The following CPAMD8 variants were observed in gnomAD, a reference collection of about 807,000 sequenced individuals.
CPAMD8 encodes the protein C3 and PZP like alpha-2-macroglobulin domain containing 8, also known as C3 and PZP-like alpha-2-macroglobulin domain-containing protein 8.
CPAMD8 carries 146 observed loss-of-function variants against 224.7 expected under a neutral mutation model. That is an observed-to-expected ratio of 0.65 (90% CI 0.57 to 0.75). The LOEUF (loss-of-function observed/expected upper bound fraction) is 0.75, where lower values mean the gene tolerates loss of function less well. CPAMD8 is among the 30% of genes least tolerant of loss of function. CPAMD8 has a pLI of 0.00. For missense variants in CPAMD8, 2,301 were observed against 2,537.5 expected, an observed-to-expected ratio of 0.91 and a Z score of 2.00; for synonymous variants, 966 against 1,044.6, an observed-to-expected ratio of 0.92 and a Z score of 1.45.
rs59965779 is a variant in CPAMD8 at position 16,898,921 on chromosome 19, GT to G, written c.4848+553del. Among the ~76,000 whole-genome samples, 3 of 149,322 alleles carry G rather than the reference GT, an allele frequency of 2.0e-5. No homozygotes were observed. The highest frequency in any genetic ancestry group is 4.9e-5 in the African/African-American group (2 of 40,624). The stretch of plus-strand genomic sequence containing the variant: ...TTCTCCCAGTGTCTTATTTTTTTTT[GT>G]TTTTTTTTAGACAAGGTCTTGCAGG... On this transcript the variant is annotated intron_variant, in intron 37 of 41. Transcript: ENST00000443236. This position sits in a 1 kb window ranked among gnomAD's most constrained non-coding sequence, Gnocchi z 4.2.
intron 19 of CPAMD8, among the ~76,000 whole-genome samples, chr19:16,955,123 G>A (rs143235455): frequency 6.6e-6 from 1 of 151,746 alleles, no homozygotes; most frequent in African/African-American, 2.4e-5. Flanking sequence ...GCAAGATGCT[G>A]TCTCACACAC....
At chr19:17,005,717 C>G (rs749784587) in intron 7 of CPAMD8, among the ~76,000 whole-genome samples, 2 of 152,078 alleles carry the variant, frequency 1.3e-5, no homozygotes, top group Admixed American at 6.6e-5. Context: ...ACGACAGAAC[C>G]GAAAACCCAT....
At chr19:16,971,525 C>T (rs544867309) in intron 17 of CPAMD8, among the ~76,000 whole-genome samples, 7 of 152,096 alleles carry the variant, frequency 4.6e-5, no homozygotes, top group Admixed American at 1.3e-4. Flanking sequence ...TGAGATGAAA[C>T]GCCCAGAACA....
chr19:16,943,739 C>T (rs2053981384), intron 22 of CPAMD8, among the ~76,000 whole-genome samples: 1 of 152,172 alleles, frequency 6.6e-6, no homozygotes, highest in African/African-American at 2.4e-5. Context: ...GCCTGTGTGA[C>T]AACAGCACGT....
intron 18 of CPAMD8, among the ~76,000 whole-genome samples, chr19:16,967,607 C>T (rs1028786486): frequency 2.0e-5 from 3 of 151,864 alleles, no homozygotes; most frequent in African/African-American, 7.3e-5. Flanking sequence ...GAGATGGAGA[C>T]CATCCTGGCT....
intron 18 of CPAMD8, among the ~76,000 whole-genome samples, chr19:16,967,892 T>TATATGTGCATATATACACCCAC (rs71946803): frequency 2.0e-5 from 1 of 49,514 alleles, no homozygotes; most frequent in East Asian, 3.7e-3. Flanking sequence ...TACACACACA[T>TATATGTGCATATATACACCCAC]GTGTGTGTAT....
chr19:16,895,930 C>CGCGCGT, intron 41 of CPAMD8: 1 of 647,658 alleles, frequency 1.5e-6, no homozygotes, highest in South Asian at 1.5e-5. Flanking sequence ...CACACACACG[C>CGCGCGT]GCGCGTGCGC....
In CPAMD8 at chr19:16,899,635, T is replaced by C; in HGVS notation, c.4774-86A>G. On this transcript the variant is annotated intron_variant, in intron 36 of 41. Transcript: ENST00000443236. This position sits in a 1 kb window ranked among gnomAD's most constrained non-coding sequence, Gnocchi z 5.4. Reference sequence around the variant, plus strand: ...CTGGGGGCAGTGGTCAGTGGGATGCTTGGACTTGCCCACAAGTTACCATGG... The same window carrying C: ...CTGGGGGCAGTGGTCAGTGGGATGCCTGGACTTGCCCACAAGTTACCATGG... 1.3e-6 allele frequency: 1 copy of C among 756,952 alleles called. No individual in the cohort carries two copies. The highest frequency in any genetic ancestry group is 1.7e-5 in the African/African-American group (1 of 58,880). 46.9% of individuals were successfully genotyped at this position (756,952 alleles called of 1,614,324 possible). A position where few individuals can be genotyped will look rare whatever the true frequency, so the allele number is the denominator to read the frequency against.
intron 19 of CPAMD8, 25 bp downstream of exon 19, chr19:16,957,828 G>A (rs1440754361): frequency 1.2e-6 from 2 of 1,612,906 alleles, no homozygotes; most frequent in Non-Finnish European, 1.7e-6. Flanking sequence ...GGCAAAGTCA[G>A]CGCAGAAAAG....
intron 32 of CPAMD8, 50 bp downstream of exon 32, chr19:16,904,176 A>AGGCCCCCCCCCCCCCCCCCCCCCCCCC: frequency 8.5e-6 from 8 of 937,336 alleles, no homozygotes; most frequent in East Asian, 2.6e-5. Flanking sequence ...GACTGCAGGG[A>AGGCCCCCCCCCCCCCCCCCCCCCCCCC]CCCCACCCAC....
At chr19:17,016,638 C>T (rs529038611) in intron 3 of CPAMD8, among the ~76,000 whole-genome samples, 1 of 152,188 alleles carries the variant, frequency 6.6e-6, no homozygotes, top group African/African-American at 2.4e-5. Context: ...GGGGCGTCTG[C>T]AGTCCCAGCT....
intron 7 of CPAMD8, among the ~76,000 whole-genome samples, chr19:17,005,877 G>A (rs1390631957): frequency 6.6e-6 from 1 of 152,148 alleles, no homozygotes; most frequent in African/African-American, 2.4e-5. Flanking sequence ...TTTGTAAGGG[G>A]TCTGTGGCCA....
chr19:16,928,234 C>T lies in CPAMD8; in HGVS notation c.3145G>A (p.Val1049Ile). 3 of 1,608,598 alleles carry T rather than the reference C, an allele frequency of 1.9e-6. No homozygotes were observed. The highest frequency in any genetic ancestry group is 1.7e-6 in the Non-Finnish European group (2 of 1,175,854). The change falls in exon 25 of 42, where the codon GTT becomes ATT. Residue 1049 changes from valine (V) to isoleucine (I), a missense_variant and splice_region_variant. Physicochemically the swap from Val to Ile is conservative, Grantham distance 29. Coordinates refer to ENST00000443236, the MANE Select transcript of CPAMD8 (RefSeq NM_015692.5). ...WISWRGGLIQ[V>I]GHGPEPSNES... ...TTGGATGGCTCTGGACCATGGCCAA[C>T]CTGGAAAAAGAAACCAAGGCTGCTG...
In CPAMD8 at chr19:16,901,200, G is replaced by T; in HGVS notation, c.4773+10C>A. On this transcript the variant is annotated intron_variant, in intron 36 of 41. Coordinates refer to ENST00000443236, the MANE Select transcript of CPAMD8 (RefSeq NM_015692.5). ...TCCCTGCCCACCGCTGCTCACCGGCGCTGCCTCACCTGCTCCAGGCTCTCG... is the reference window on the plus strand; with the variant it reads ...TCCCTGCCCACCGCTGCTCACCGGCTCTGCCTCACCTGCTCCAGGCTCTCG... 1 of 1,594,994 alleles carries T rather than the reference G, an allele frequency of 6.3e-7. No individual in the cohort carries two copies. The highest frequency in any genetic ancestry group is 1.1e-5 in the South Asian group (1 of 87,900).
At position 17,009,300 on chromosome 19, in the gene CPAMD8, C is replaced by T. The variant is rs761796721; in HGVS notation, c.504+3G>A. The T allele has an allele frequency of 1.7e-5, 28 of 1,613,980 alleles. No homozygotes were observed. Among genetic ancestry groups the T allele is most frequent in the Non-Finnish European group, 2.2e-5 (26 of 1,179,986 alleles). On this transcript the variant is annotated splice_donor_region_variant and intron_variant, in intron 6 of 41. Coordinates refer to ENST00000443236, the MANE Select transcript of CPAMD8 (RefSeq NM_015692.5). ...AAGCCGAGGAAGGACAGAGGCCACT[C>T]ACCAGGATGTAGGCTTCCAGCTGTA...
Position 16,940,969 on chromosome 19 carries a change from C to T in CPAMD8, c.2794-2523G>A, listed in dbSNP as rs551496389. ...TTTTTGAGATGGAATCTCGCTCTGT[C>T]GCCCAGGCTGGAGTCCAGTGGCGCA... On this transcript the variant is annotated intron_variant, in intron 22 of 41. Transcript: ENST00000443236. Among the ~76,000 whole-genome samples the T allele has an allele frequency of 1.2e-4, 18 of 152,282 alleles. No homozygotes were observed. The South Asian group carries it at 2.1e-3, about 18-fold the overall frequency.
At chr19:16,923,602 A>C (rs1232875460) in intron 26 of CPAMD8, among the ~76,000 whole-genome samples, 1 of 152,228 alleles carries the variant, frequency 6.6e-6, no homozygotes, top group African/African-American at 2.4e-5. Flanking sequence ...TAAGGTTAGG[A>C]TCTCCAGATG....
At chr19:17,008,746 G>GGGAC (rs747093651) in intron 6 of CPAMD8, 187 bp from the exon 7 acceptor site, 4 of 711,366 alleles carry the variant, frequency 5.6e-6, no homozygotes, top group African/African-American at 3.5e-5. Flanking sequence ...AAAGCAGAAG[G>GGGAC]GGATGGGCTG....
chr19:16,902,518 A>T, intron 35 of CPAMD8, 131 bp downstream of exon 35: 1 of 630,032 alleles, frequency 1.6e-6, no homozygotes, highest in Non-Finnish European at 2.8e-6. Context: ...CTCTGTCTCA[A>T]AAAAACAAAA....
Sources: gnomAD v4.1 joint callset for allele counts (sites outside exome capture counted in the v4.1 genomes callset) on GRCh38, gnomAD v4.1.1 for gene constraint, Gnocchi (gnomAD v3.1) non-coding constraint, MANE v1.5 for transcripts, NCBI Gene and HGNC (gene_info 2026-07-23, HGNC 2026-07-21) for gene names.